XKR4: variants seen among roughly 807,000 people sequenced by gnomAD.
XKR4 encodes XK-related protein 4.
XKR4 carries 12 observed loss-of-function variants against 53.9 expected under a neutral mutation model. The ratio of observed to expected loss-of-function variants is 0.22; its 90% CI spans 0.14 to 0.36. The LOEUF (loss-of-function observed/expected upper bound fraction) is 0.36, where lower values mean the gene tolerates loss of function less well. XKR4 is among the 10% of genes least tolerant of loss of function. The pLI is 1.00. For missense variants in XKR4, 799 were observed against 859.5 expected (o/e 0.93, Z 0.88); for synonymous variants, 354 against 362.4 (o/e 0.98, Z 0.26).
At position 55,140,296 on chromosome 8, in the gene XKR4, GT is replaced by G. The variant is rs545596005; in HGVS notation, c.806+37003del. On this transcript the variant is annotated intron_variant, in intron 1 of 2. Coordinates refer to ENST00000327381, the MANE Select transcript of XKR4 (RefSeq NM_052898.2). ...GGAAGTGTGACAATTCAGGAATGTG[GT>G]GTTCATGGAAGTCTGTGAAAACTTT... is the stretch of plus-strand genomic sequence containing the variant. 4.1e-3 allele frequency: 1,034 copies of G among 252,320 alleles called. 5 individuals are homozygous for G. Among genetic ancestry groups the G allele is most frequent in the Non-Finnish European group, 5.6e-3 (707 of 126,034 alleles). The allele number at this position is 252,320 out of a possible 1,614,324, so 15.6% of individuals were successfully genotyped here.
At chr8:55,451,445 G>A in intron 2 of XKR4, 2 of 1,225,282 alleles carry the variant, frequency 1.6e-6, no homozygotes, top group Non-Finnish European at 2.3e-6. Flanking sequence ...ACAACAGCCT[G>A]CAGGTACTTC....
intron 1 of XKR4, among the ~76,000 whole-genome samples, chr8:55,124,580 C>T (rs944716952): frequency 2.0e-5 from 3 of 152,226 alleles, no homozygotes; most frequent in African/African-American, 7.2e-5. Flanking sequence ...ACAATTCCTT[C>T]TGTAACATCA....
At chr8:55,520,832 A>G (rs1471280289) in intron 2 of XKR4, 4 of 152,414 alleles carry the variant, frequency 2.6e-5, no homozygotes, top group Non-Finnish European at 4.4e-5. Context: ...AAAGGGGTAG[A>G]GATTACAGGG....
intron 2 of XKR4, among the ~76,000 whole-genome samples, chr8:55,441,429 T>C (rs1246688073): frequency 6.6e-6 from 1 of 152,100 alleles, no homozygotes; most frequent in Non-Finnish European, 1.5e-5. Context: ...TTAACACAGC[T>C]CTCAGTAAAT....
chr8:55,334,039 T>C (rs1406294092), intron 1 of XKR4, among the ~76,000 whole-genome samples: 1 of 152,204 alleles, frequency 6.6e-6, no homozygotes, highest in Non-Finnish European at 1.5e-5. Flanking sequence ...ATCTGGAGTT[T>C]CCTAGTGTAC....
intron 2 of XKR4, among the ~76,000 whole-genome samples, chr8:55,375,736 T>A (rs796663841): frequency 1.3e-5 from 2 of 152,238 alleles, no homozygotes; most frequent in African/African-American, 4.8e-5. Flanking sequence ...TTAAATATAT[T>A]TTTTAAGTTC....
chr8:55,455,227 G>A, intron 2 of XKR4: 1 of 323,084 alleles, frequency 3.1e-6, no homozygotes, highest in Non-Finnish European at 5.8e-6. Context: ...CGCACACCCG[G>A]GACACCCCGG....
intron 2 of XKR4, among the ~76,000 whole-genome samples, chr8:55,390,201 G>C (rs1804425893): frequency 6.6e-6 from 1 of 152,126 alleles, no homozygotes; most frequent in South Asian, 2.1e-4. Context: ...TCTTTCTCTA[G>C]TTAACTTCTT....
chr8:55,438,091 A>G (rs1478116961), intron 2 of XKR4, among the ~76,000 whole-genome samples: 1 of 152,212 alleles, frequency 6.6e-6, no homozygotes, highest in East Asian at 1.9e-4. Flanking sequence ...TGTAAGAGCA[A>G]GAGAGGGTGG....
chr8:55,197,140 A>T (rs1267901764), intron 1 of XKR4, among the ~76,000 whole-genome samples: 5 of 152,204 alleles, frequency 3.3e-5, no homozygotes, highest in African/African-American at 7.2e-5. Flanking sequence ...GGGCTATGAT[A>T]ATGCCACTGA....
chr8:55,505,121 T>G (rs1806506272), intron 2 of XKR4, among the ~76,000 whole-genome samples: 1 of 152,112 alleles, frequency 6.6e-6, no homozygotes. Context: ...TTTTTATAGT[T>G]TTTTAAGGTG....
At chr8:55,518,103 G>T (rs1027070519) in intron 2 of XKR4, among the ~76,000 whole-genome samples, 1 of 152,190 alleles carries the variant, frequency 6.6e-6, no homozygotes, top group Non-Finnish European at 1.5e-5. Flanking sequence ...CGAGCACTTG[G>T]TTAATTTACT....
chr8:55,461,561 A>C (rs1057283378), intron 2 of XKR4, among the ~76,000 whole-genome samples: 2 of 152,262 alleles, frequency 1.3e-5, no homozygotes, highest in African/African-American at 4.8e-5. Context: ...TCTAAAAATC[A>C]GAGTGCCTCT....
intron 1 of XKR4, among the ~76,000 whole-genome samples, chr8:55,323,274 A>C (rs542869369): frequency 6.6e-6 from 1 of 152,240 alleles, no homozygotes; most frequent in African/African-American, 2.4e-5. Context: ...ACACAGCCCT[A>C]TACTCATCAT....
rs570707723 is a variant in XKR4, at chr8:55,210,282, T to C, written c.806+106988T>C. Among the ~76,000 whole-genome samples, 7 of 151,960 alleles carry C rather than the reference T, an allele frequency of 4.6e-5. No individual in the cohort carries two copies. The East Asian group carries it at 1.4e-3, about 30-fold the overall frequency. On this transcript the variant is annotated intron_variant, in intron 1 of 2. Transcript: ENST00000327381. ...TATTTTTAGTAGAGATGGGGTTTCATCATGTTGCCCAGGCTGGTCTCGAAC... is the reference window on the plus strand; with the variant it reads ...TATTTTTAGTAGAGATGGGGTTTCACCATGTTGCCCAGGCTGGTCTCGAAC...
chr8:55,317,409 T>C (rs1819493702), intron 1 of XKR4, among the ~76,000 whole-genome samples: 1 of 152,190 alleles, frequency 6.6e-6, no homozygotes, highest in Non-Finnish European at 1.5e-5. Context: ...GGCTGGGGTT[T>C]TAGTCTATGT....
intron 1 of XKR4, among the ~76,000 whole-genome samples, chr8:55,231,928 G>T (rs1818046897): frequency 6.6e-6 from 1 of 152,164 alleles, no homozygotes; most frequent in South Asian, 2.1e-4. Flanking sequence ...CTATTCATGT[G>T]CACATTTCCC....
At chr8:55,497,158 G>A (rs147851680) in intron 2 of XKR4, among the ~76,000 whole-genome samples, 2,896 of 152,268 alleles carry the variant, frequency 0.019, 52 homozygotes, top group Middle Eastern at 0.037. Flanking sequence ...CTCCTGAACC[G>A]TATTTCCCAG....
intron 1 of XKR4, among the ~76,000 whole-genome samples, chr8:55,285,091 G>A (rs1818891259): frequency 6.6e-6 from 1 of 152,178 alleles, no homozygotes; most frequent in African/African-American, 2.4e-5. Context: ...CTCCCTCAGA[G>A]TAGAAGCCCA....
Sources: gnomAD v4.1 joint callset for allele counts (sites outside exome capture counted in the v4.1 genomes callset) on GRCh38, gnomAD v4.1.1 for gene constraint, MANE v1.5 for transcripts, NCBI Gene and HGNC (gene_info 2026-07-23, HGNC 2026-07-21) for gene names.